Variants in NKAIN3 observed in about 807,000 individuals in gnomAD.
The protein encoded by NKAIN3 is sodium/potassium transporting ATPase interacting 3.
NKAIN3 carries 25 observed loss-of-function variants against 30.2 expected under a neutral mutation model. That is an observed-to-expected ratio of 0.83 (90% CI 0.60 to 1.16). The LOEUF is 1.16. Among genes scored for constraint, NKAIN3 ranks in the 50% most tolerant of loss-of-function variants. The pLI, the probability that NKAIN3 is intolerant of heterozygous loss-of-function variation, is 0.00. For missense variants in NKAIN3, 225 were observed against 254.1 expected, an observed-to-expected ratio of 0.89 and a Z score of 0.78; for synonymous variants, 91 against 89.6, an observed-to-expected ratio of 1.02 and a Z score of -0.09.
intron 1 of NKAIN3, among the ~76,000 whole-genome samples, chr8:62,563,688 G>A (rs1162149699): frequency 1.3e-5 from 2 of 152,232 alleles, no homozygotes; most frequent in Non-Finnish European, 1.5e-5. Flanking sequence ...TATAAGAGAA[G>A]CAGTGATTAA....
At chr8:62,694,711 G>C (rs4737608) in intron 3 of NKAIN3, among the ~76,000 whole-genome samples, 27,166 of 152,044 alleles carry the variant, frequency 0.18, 2,610 homozygotes, top group East Asian at 0.38. Context: ...CCTGCTGTTA[G>C]TTCCTGACCC....
At chr8:62,542,699 T>C (rs1244493908) in intron 1 of NKAIN3, among the ~76,000 whole-genome samples, 1 of 152,154 alleles carries the variant, frequency 6.6e-6, no homozygotes, top group Non-Finnish European at 1.5e-5. Flanking sequence ...GGGATACATG[T>C]TAAAACATGT....
chr8:62,807,988 C>T (rs917961440), intron 4 of NKAIN3, among the ~76,000 whole-genome samples: 3 of 151,782 alleles, frequency 2.0e-5, no homozygotes, highest in African/African-American at 7.3e-5. Context: ...TTAAAAAAGA[C>T]ATATACTTGA....
chr8:62,794,013 T>C lies in NKAIN3; in HGVS notation c.471+46884T>C, dbSNP rs1165785595. On this transcript the variant is annotated intron_variant, in intron 4 of 6. Transcript: ENST00000623646. Reference sequence around the variant, plus strand: ...GTCATTTCTTTTCTACCTACTCACATTGGATGTGCTTGAACATCTGCTTTC... The same window carrying C: ...GTCATTTCTTTTCTACCTACTCACACTGGATGTGCTTGAACATCTGCTTTC... Among the ~76,000 whole-genome samples, 3 of 152,172 alleles carry C rather than the reference T, an allele frequency of 2.0e-5. No homozygotes were observed. In the South Asian group the frequency reaches 6.2e-4, roughly 31 times the overall value.
chr8:62,613,226 A>G (rs1811346735), intron 3 of NKAIN3, among the ~76,000 whole-genome samples: 1 of 152,072 alleles, frequency 6.6e-6, no homozygotes. Flanking sequence ...GAAATCACTC[A>G]GTTTTTGTTT....
At chr8:62,450,384 C>T (rs1392108826) in intron 1 of NKAIN3, among the ~76,000 whole-genome samples, 1 of 152,084 alleles carries the variant, frequency 6.6e-6, no homozygotes, top group African/African-American at 2.4e-5. Context: ...CTGGAATTCT[C>T]CTCCAATTAC....
chr8:62,670,227 A>ATG (rs1396850547), intron 3 of NKAIN3, among the ~76,000 whole-genome samples: 4 of 152,052 alleles, frequency 2.6e-5, no homozygotes, highest in Non-Finnish European at 5.9e-5. Context: ...ATTTTTTATT[A>ATG]TGTGTGTGTG....
intron 1 of NKAIN3, among the ~76,000 whole-genome samples, chr8:62,488,340 A>G (rs1247666794): frequency 6.6e-6 from 1 of 152,110 alleles, no homozygotes; most frequent in Non-Finnish European, 1.5e-5. Flanking sequence ...TCCTCTGCTA[A>G]TTCTGGCCTA....
chr8:62,701,993 C>A (rs926387107), intron 3 of NKAIN3, among the ~76,000 whole-genome samples: 9 of 152,146 alleles, frequency 5.9e-5, no homozygotes, highest in South Asian at 4.1e-4. Context: ...GGCTCCCCAG[C>A]GGCTAACAGT....
chr8:62,965,225 T>C (rs1263715117), intron 6 of NKAIN3, 129 bp from the exon 7 acceptor site: 2 of 848,442 alleles, frequency 2.4e-6, no homozygotes, highest in African/African-American at 3.7e-5. Flanking sequence ...AACTTTCTTA[T>C]TGCTACAGTC....
At chr8:62,997,745 CTCT>C (rs1804151114) in intron 5 of NKAIN3, among the ~76,000 whole-genome samples, 1 of 137,436 alleles carries the variant, frequency 7.3e-6, no homozygotes, top group Admixed American at 7.7e-5. Flanking sequence ...AATAAATGAG[CTCT>C]TTTCTTTAAA....
intron 1 of NKAIN3, among the ~76,000 whole-genome samples, chr8:62,454,594 A>G (rs932668317): frequency 3.3e-5 from 5 of 151,878 alleles, no homozygotes; most frequent in African/African-American, 1.2e-4. Context: ...CTTAATTAAA[A>G]CACTTCCACT....
intron 3 of NKAIN3, among the ~76,000 whole-genome samples, chr8:62,695,172 C>A (rs754729591): frequency 6.6e-6 from 1 of 152,172 alleles, no homozygotes; most frequent in Non-Finnish European, 1.5e-5. Flanking sequence ...ACCAATCATA[C>A]TGTATTACAA....
chr8:62,846,057 C>A (rs1351302651), intron 4 of NKAIN3, among the ~76,000 whole-genome samples: 1 of 151,982 alleles, frequency 6.6e-6, no homozygotes, highest in African/African-American at 2.4e-5. Flanking sequence ...ATAGAAAAAT[C>A]TCAATTAGAA....
At position 62,740,737 on chromosome 8, in the gene NKAIN3, C is replaced by T. The variant is rs551523604; in HGVS notation, c.274-6195C>T. On this transcript the variant is annotated intron_variant, in intron 3 of 6. Transcript: ENST00000623646. ...CATATGCACATACATAGTTAATGAACAACATTTCAAATAATTCTGGGTATC... is the reference window on the plus strand; with the variant it reads ...CATATGCACATACATAGTTAATGAATAACATTTCAAATAATTCTGGGTATC... 9.3e-4 allele frequency among the ~76,000 whole-genome samples: 141 copies of T among 151,554 alleles called. 1 individual carries two copies. Among genetic ancestry groups the T allele is most frequent in the Middle Eastern group, 6.8e-3 (2 of 294 alleles).
chr8:62,774,603 T>C (rs1383612036), intron 4 of NKAIN3, among the ~76,000 whole-genome samples: 1 of 152,038 alleles, frequency 6.6e-6, no homozygotes, highest in Non-Finnish European at 1.5e-5. Context: ...TTTTTTAGGG[T>C]TTGTATCACA....
chr8:62,464,366 T>G (rs1806090291), intron 1 of NKAIN3, among the ~76,000 whole-genome samples: 1 of 152,196 alleles, frequency 6.6e-6, no homozygotes, highest in African/African-American at 2.4e-5. Context: ...CATCAAATAA[T>G]TATCAATGTC....
chr8:62,518,663 A>G (rs1361665102), intron 1 of NKAIN3, among the ~76,000 whole-genome samples: 3 of 152,174 alleles, frequency 2.0e-5, no homozygotes, highest in African/African-American at 7.2e-5. Context: ...AGATTTTAAA[A>G]ATTGTTTTTT....
chr8:62,814,376 C>T (rs545372396), intron 4 of NKAIN3, among the ~76,000 whole-genome samples: 13 of 151,130 alleles, frequency 8.6e-5, no homozygotes, highest in Non-Finnish European at 1.5e-4. Context: ...TTGGTTATTT[C>T]AGACCTAATA....
Sources: gnomAD v4.1 joint callset for allele counts (sites outside exome capture counted in the v4.1 genomes callset) on GRCh38, gnomAD v4.1.1 for gene constraint, MANE v1.5 for transcripts, NCBI Gene and HGNC (gene_info 2026-07-23, HGNC 2026-07-21) for gene names.